Variants in IDE observed in about 807,000 individuals in gnomAD.
IDE encodes insulin degrading enzyme.
Under a neutral mutation model 133.2 loss-of-function variants are expected in IDE, and 58 were observed. The observed-to-expected ratio is 0.44, with a 90% confidence interval of 0.35 to 0.54. The LOEUF (loss-of-function observed/expected upper bound fraction) is 0.54. IDE is among the 20% of genes least tolerant of loss of function. The pLI is 0.00. For synonymous variants in IDE, 396 were observed against 421.3 expected, an observed-to-expected ratio of 0.94 and a Z score of 0.73; for missense variants, 981 against 1,234.0, an observed-to-expected ratio of 0.79 and a Z score of 3.07.
intron 11 of IDE, among the ~76,000 whole-genome samples, chr10:92,500,715 T>C (rs1409545453): frequency 6.6e-6 from 1 of 152,126 alleles, no homozygotes; most frequent in Non-Finnish European, 1.5e-5. Flanking sequence ...TATACTAATG[T>C]CCTCAAATCT....
chr10:92,554,128 C>T (rs1316346579), intron 1 of IDE, among the ~76,000 whole-genome samples: 1 of 152,172 alleles, frequency 6.6e-6, no homozygotes, highest in Non-Finnish European at 1.5e-5. Context: ...GATCATTCAC[C>T]TTGATCAAGT....
rs1217265635 is a variant in IDE, at chr10:92,478,676, T to C, written c.1884+601A>G. ...TGCATTCATTCCTGATGCAATGCCA[T>C]AGCTCAAACCTGAGAGGCGTGCTGC... On this transcript the variant is annotated intron_variant, in intron 15 of 24. Transcript: ENST00000265986. The C allele has an allele frequency of 7.1e-6, 9 of 1,267,296 alleles. No homozygotes were observed. The African/African-American group carries it at 7.7e-5, about 11-fold the overall frequency. The allele number at this position is 1,267,296 out of a possible 1,614,324, so 78.5% of individuals were successfully genotyped here.
chr10:92,499,149 C>T lies in IDE; in HGVS notation c.1430+5645G>A, dbSNP rs563149220. The stretch of plus-strand genomic sequence containing the variant: ...AGTAAATGCATGTATCACTTAAGAG[C>T]GGTTTTTAATATTGATGAAGTCCAT... On this transcript the variant is annotated intron_variant, in intron 11 of 24. Transcript: ENST00000265986. Among the ~76,000 whole-genome samples, 29 of 151,614 alleles carry T rather than the reference C, an allele frequency of 1.9e-4. 2 individuals carry two copies. Among genetic ancestry groups the T allele is most frequent in the African/African-American group, 2.2e-4 (9 of 41,358 alleles).
chr10:92,455,523 C>T (rs954977101), intron 24 of IDE, 53 bp downstream of exon 24: 4 of 1,115,146 alleles, frequency 3.6e-6, no homozygotes, highest in Non-Finnish European at 1.3e-6. Flanking sequence ...GCTGCTTCTT[C>T]TAAATAGAAA....
intron 1 of IDE, among the ~76,000 whole-genome samples, chr10:92,561,883 G>C (rs1241264108): frequency 1.3e-5 from 2 of 152,234 alleles, no homozygotes; most frequent in East Asian, 3.9e-4. Context: ...TGTGTATTTT[G>C]TTTCATTTTT....
chr10:92,479,318 C>T lies in IDE; in HGVS notation c.1843G>A (p.Gly615Ser). The T allele has an allele frequency of 6.2e-7, 1 of 1,613,690 alleles. No individual in the cohort carries two copies. Residue 615 changes from glycine to serine, a missense_variant, in exon 15 of 25, where the codon GGC becomes AGC. By Grantham distance (56) the Gly-to-Ser change is moderately conservative. Coordinates refer to ENST00000265986, the MANE Select transcript of IDE (RefSeq NM_004969.4). Reference protein sequence around the residue: ...NEYAYAAELAGLSYDLQNTIY... With the variant: ...NEYAYAAELASLSYDLQNTIY... The stretch of plus-strand genomic sequence containing the variant: ...GTATTTTGGAGATCATAGCTCAAGC[C>T]TGCTAGCTCTGCTGCATATGCATAC...
At chr10:92,455,523 CT>C in intron 24 of IDE, 52 bp downstream of exon 24, 2 of 1,115,264 alleles carry the variant, frequency 1.8e-6, no homozygotes, top group South Asian at 2.6e-5. Context: ...GCTGCTTCTT[CT>C]AAATAGAAAG....
intron 21 of IDE, among the ~76,000 whole-genome samples, chr10:92,462,182 G>A (rs1271412595): frequency 6.6e-6 from 1 of 151,756 alleles, no homozygotes; most frequent in Non-Finnish European, 1.5e-5. Flanking sequence ...CAGGCATAGT[G>A]GAGTATGCCT....
chr10:92,501,050 A>AC (rs964999469), intron 11 of IDE, among the ~76,000 whole-genome samples: 9 of 140,836 alleles, frequency 6.4e-5, no homozygotes, highest in African/African-American at 2.2e-4. Flanking sequence ...CAGAAAAAAA[A>AC]AAAAGAAAAA....
chr10:92,458,376 T>C (rs1018734315), intron 22 of IDE, among the ~76,000 whole-genome samples: 4 of 152,074 alleles, frequency 2.6e-5, no homozygotes, highest in Non-Finnish European at 5.9e-5. Context: ...CAAACTTGTA[T>C]GGTCATGAAA....
chr10:92,527,697 C>T (rs1849700630), intron 4 of IDE, among the ~76,000 whole-genome samples: 1 of 152,078 alleles, frequency 6.6e-6, no homozygotes, highest in Admixed American at 6.6e-5. Context: ...ATTTTTACCC[C>T]AGCATTTTCC....
intron 1 of IDE, among the ~76,000 whole-genome samples, chr10:92,551,880 T>C (rs926799114): frequency 6.6e-6 from 1 of 152,130 alleles, no homozygotes; most frequent in Non-Finnish European, 1.5e-5. Flanking sequence ...TCATGCTTGT[T>C]ACCCCAGTAC....
intron 4 of IDE, among the ~76,000 whole-genome samples, chr10:92,516,202 T>C (rs1203663698): frequency 6.7e-6 from 1 of 148,852 alleles, no homozygotes; most frequent in Non-Finnish European, 1.5e-5. Flanking sequence ...AAAAAAAAAT[T>C]ATACTTCTTG....
At chr10:92,479,988 T>C (rs1846511792) in intron 14 of IDE, among the ~76,000 whole-genome samples, 1 of 152,112 alleles carries the variant, frequency 6.6e-6, no homozygotes, top group African/African-American at 2.4e-5. Flanking sequence ...GTCAGTAAAA[T>C]AATTGATAAT....
Position 92,453,360 on chromosome 10 carries a change from A to G in IDE, c.*1084T>C, listed in dbSNP as rs1844837851. 6.6e-6 allele frequency: 1 copy of G among 152,130 alleles called. No individual in the cohort carries two copies. The highest frequency in any genetic ancestry group is 6.6e-5 in the Admixed American group (1 of 15,266). 9.4% of individuals were successfully genotyped at this position (152,130 alleles called of 1,614,324 possible). A position where few individuals can be genotyped will look rare whatever the true frequency, so the allele number is the denominator to read the frequency against. ...GTTTATATTTATATATTCAAAAAAT[A>G]ACTTAACATTTAAGGCAAGATTAGA... is the stretch of plus-strand genomic sequence containing the variant. On this transcript the variant is annotated 3_prime_UTR_variant, in exon 25 of 25. Coordinates refer to ENST00000265986, the MANE Select transcript of IDE (RefSeq NM_004969.4).
intron 12 of IDE, among the ~76,000 whole-genome samples, chr10:92,488,574 G>A (rs936080921): frequency 2.0e-5 from 3 of 151,946 alleles, no homozygotes; most frequent in African/African-American, 4.8e-5. Flanking sequence ...TCAGGAGTTC[G>A]AGACCAGTCT....
At chr10:92,461,025 T>C (rs899621225) in intron 22 of IDE, among the ~76,000 whole-genome samples, 166 bp downstream of exon 22, 1 of 152,002 alleles carries the variant, frequency 6.6e-6, no homozygotes. Context: ...ATTTTTAGTA[T>C]AAATGGGGTT....
intron 1 of IDE, among the ~76,000 whole-genome samples, chr10:92,555,401 G>A (rs543973740): frequency 6.6e-6 from 1 of 151,662 alleles, no homozygotes; most frequent in African/African-American, 2.4e-5. Flanking sequence ...GGAAACTGAG[G>A]CAGCAGAATC....
intron 11 of IDE, among the ~76,000 whole-genome samples, chr10:92,499,844 GT>G (rs1847913014): frequency 6.6e-6 from 1 of 152,144 alleles, no homozygotes; most frequent in African/African-American, 2.4e-5. Context: ...TAGATTTAGT[GT>G]TTATATTTAG....
Sources: allele counts gnomAD v4.1 joint callset (sites outside exome capture counted in the v4.1 genomes callset), GRCh38; gene constraint gnomAD v4.1.1; transcripts MANE v1.5; gene names NCBI Gene and HGNC (gene_info 2026-07-23, HGNC 2026-07-21).